Variants in MAML3 observed in about 807,000 individuals in gnomAD.
The protein encoded by MAML3 is mastermind-like protein 3.
A neutral mutation model predicts 101.9 loss-of-function variants in MAML3; 27 were observed. The ratio of observed to expected loss-of-function variants is 0.27; its 90% CI spans 0.20 to 0.37. The LOEUF is 0.37. Among genes scored for constraint, MAML3 ranks in the 10% least tolerant of loss-of-function variants. MAML3 has a pLI of 1.00. For synonymous variants in MAML3, 501 were observed against 555.9 expected, an observed-to-expected ratio of 0.90 and a Z score of 1.39; for missense variants, 1,316 against 1,444.9, an observed-to-expected ratio of 0.91 and a Z score of 1.45.
chr4:139,738,019 C>A (rs973257788), intron 2 of MAML3, among the ~76,000 whole-genome samples: 1 of 152,252 alleles, frequency 6.6e-6, no homozygotes, highest in Non-Finnish European at 1.5e-5. Context: ...ATGGGTCCAG[C>A]AAAGCTCTTG....
At chr4:139,943,982 T>C (rs1308315070) in intron 1 of MAML3, among the ~76,000 whole-genome samples, 1 of 147,876 alleles carries the variant, frequency 6.8e-6, no homozygotes, top group African/African-American at 2.5e-5. Context: ...GCGATTCTCC[T>C]GCCTCAGCCT....
intron 1 of MAML3, among the ~76,000 whole-genome samples, chr4:140,044,341 G>A (rs1005306917): frequency 1.3e-5 from 2 of 152,144 alleles, no homozygotes; most frequent in Admixed American, 6.5e-5. Flanking sequence ...TTACAATGGC[G>A]ATGCTTCAAC....
intron 2 of MAML3, among the ~76,000 whole-genome samples, chr4:139,882,081 A>G (rs1732230296): frequency 6.6e-6 from 1 of 152,204 alleles, no homozygotes; most frequent in Admixed American, 6.5e-5. Flanking sequence ...GAAATTAAAA[A>G]TGTGATAAAA....
Position 139,719,922 on chromosome 4 carries a change from A to G in MAML3, c.2818T>C (p.Leu940=). 6.2e-7 allele frequency: 1 copy of G among 1,614,068 alleles called. No individual in the cohort carries two copies. The highest frequency in any genetic ancestry group is 1.1e-5 in the South Asian group (1 of 91,090). ...PQMKGPVGQA[L]PRPQAPPRLQ... is the part of the protein sequence containing the mutation. Reference sequence around the variant, plus strand: ...CTTGGAGGGGCTTGGGGCCTAGGCAAGGCCTGGCCTACTGGCCCTTTCATC... The same window carrying G: ...CTTGGAGGGGCTTGGGGCCTAGGCAGGGCCTGGCCTACTGGCCCTTTCATC... Residue 940 remains leucine, a synonymous_variant, in exon 5 of 5, where the codon TTG becomes CTG. Coordinates refer to ENST00000509479, the MANE Select transcript of MAML3 (RefSeq NM_018717.5).
At chr4:139,739,052 T>A (rs1439914835) in intron 2 of MAML3, among the ~76,000 whole-genome samples, 1 of 152,136 alleles carries the variant, frequency 6.6e-6, no homozygotes, top group East Asian at 1.9e-4. Flanking sequence ...AGACTATGAG[T>A]CTTCCCAGTA....
At chr4:140,086,106 C>T (rs1346432901) in intron 1 of MAML3, among the ~76,000 whole-genome samples, 1 of 152,200 alleles carries the variant, frequency 6.6e-6, no homozygotes, top group Non-Finnish European at 1.5e-5. Context: ...TACAGGCCCT[C>T]CTCAAATGTT....
chr4:140,083,967 C>G (rs71606873), intron 1 of MAML3, among the ~76,000 whole-genome samples: 34 of 81,262 alleles, frequency 4.2e-4, no homozygotes, highest in African/African-American at 1.3e-3. Flanking sequence ...CACACACACA[C>G]AGAGAGAGAG....
At position 139,720,305 on chromosome 4, in the gene MAML3, G is replaced by A. The variant is rs1728184280; in HGVS notation, c.2435C>T (p.Ala812Val). The A allele has an allele frequency of 6.5e-7, 1 of 1,546,544 alleles. No homozygotes were observed. Among genetic ancestry groups the A allele is most frequent in the South Asian group, 1.3e-5 (1 of 79,716 alleles). The change falls in exon 5 of 5, where the codon GCA (alanine) becomes GTA (valine). Residue 812 changes from alanine to valine, a missense_variant. Coordinates refer to ENST00000509479, the MANE Select transcript of MAML3 (RefSeq NM_018717.5). Reference sequence around the variant, plus strand: ...GAGGGCTGCTTGGCTTCTTACGGCTGCTATATCCTGGGGAGAACCTGCAGT... The same window carrying A: ...GAGGGCTGCTTGGCTTCTTACGGCTACTATATCCTGGGGAGAACCTGCAGT... ...NQFQGSPQDIAAVRSQAALQS... is the reference protein window; with the variant it reads ...NQFQGSPQDIVAVRSQAALQS...
intron 1 of MAML3, among the ~76,000 whole-genome samples, chr4:139,949,103 C>T (rs1191701485): frequency 6.6e-6 from 1 of 152,118 alleles, no homozygotes; most frequent in Non-Finnish European, 1.5e-5. Flanking sequence ...GCAACCTCCG[C>T]CTCCTGGGTT....
chr4:139,935,213 C>CTTT (rs576839308), intron 1 of MAML3, among the ~76,000 whole-genome samples: 1 of 130,998 alleles, frequency 7.6e-6, no homozygotes. Context: ...CAAGACACCT[C>CTTT]TTTTTTTTTT....
chr4:139,908,350 T>G lies in MAML3; in HGVS notation c.469-17383A>C, dbSNP rs1358471263. On this transcript the variant is annotated intron_variant, in intron 1 of 4. Transcript: ENST00000509479. ...ATACTGTGTAGTAAAACCTGATTAA[T>G]CCAATTCCTGCTAATTTTGCATTTA... Among the ~76,000 whole-genome samples the G allele has an allele frequency of 2.6e-5, 4 of 152,344 alleles. No homozygotes were observed. The East Asian group carries it at 7.7e-4, about 29-fold the overall frequency.
At chr4:139,762,818 C>G (rs769757570) in intron 2 of MAML3, among the ~76,000 whole-genome samples, 2 of 152,130 alleles carry the variant, frequency 1.3e-5, no homozygotes, top group African/African-American at 4.8e-5. Context: ...AACCATCTGA[C>G]GGGGCTTTAA....
At chr4:140,090,283 T>C (rs1728021939) in intron 1 of MAML3, among the ~76,000 whole-genome samples, 1 of 152,228 alleles carries the variant, frequency 6.6e-6, no homozygotes. Flanking sequence ...AAATGAACTC[T>C]AGCGGAAATG....
intron 1 of MAML3, among the ~76,000 whole-genome samples, chr4:139,921,266 C>T (rs189988068): frequency 6.6e-6 from 1 of 152,306 alleles, no homozygotes; most frequent in East Asian, 1.9e-4. Context: ...CCACGATTTT[C>T]CTTTCCAGCT....
chr4:139,999,303 G>T (rs1193525377), intron 1 of MAML3, among the ~76,000 whole-genome samples: 1 of 152,100 alleles, frequency 6.6e-6, no homozygotes, highest in Non-Finnish European at 1.5e-5. Context: ...CAAATTGAAT[G>T]GGCCTTTGAC....
At chr4:139,938,636 G>A (rs1396706664) in intron 1 of MAML3, among the ~76,000 whole-genome samples, 1 of 152,070 alleles carries the variant, frequency 6.6e-6, no homozygotes, top group Non-Finnish European at 1.5e-5. Context: ...GCTGCATTCT[G>A]AAAAAATGGC....
chr4:139,881,205 G>A (rs760676177), intron 2 of MAML3, among the ~76,000 whole-genome samples: 2 of 152,118 alleles, frequency 1.3e-5, no homozygotes, highest in East Asian at 1.9e-4. Context: ...CAGACAAGAA[G>A]AAGGCGGGTG....
At chr4:139,864,375 T>C (rs1731849281) in intron 2 of MAML3, among the ~76,000 whole-genome samples, 1 of 152,126 alleles carries the variant, frequency 6.6e-6, no homozygotes, top group Admixed American at 6.5e-5. Flanking sequence ...GCTTCACTTG[T>C]GATGAATAAA....
Position 139,776,069 on chromosome 4 carries a change from C to A in MAML3, c.2080-45402G>T, listed in dbSNP as rs776925209. ...TTTCCCACCAAATAGCATGCCAAAT[C>A]AGAATGTATTAACCCAAGGCAAATG... On this transcript the variant is annotated intron_variant, in intron 2 of 4. Transcript: ENST00000509479. Among the ~76,000 whole-genome samples, 13 of 152,318 alleles carry A rather than the reference C, an allele frequency of 8.5e-5. No individual in the cohort carries two copies. The South Asian group carries it at 2.3e-3, about 27-fold the overall frequency.
Sources: gnomAD v4.1 joint callset for allele counts (sites outside exome capture counted in the v4.1 genomes callset) on GRCh38, gnomAD v4.1.1 for gene constraint, MANE v1.5 for transcripts, NCBI Gene and HGNC (gene_info 2026-07-23, HGNC 2026-07-21) for gene names.